Variants in TNS3 observed in about 807,000 individuals in gnomAD.
TNS3 encodes the protein tensin 3.
TNS3 carries 45 observed loss-of-function variants against 140.9 expected under a neutral mutation model. The observed-to-expected ratio is 0.32, with a 90% CI of 0.25 to 0.41. The LOEUF (loss-of-function observed/expected upper bound fraction) is 0.41. TNS3 is among the 10% of genes least tolerant of loss of function. The pLI is 1.00. For synonymous variants in TNS3, 815 were observed against 788.4 expected (o/e 1.03, Z -0.56); for missense variants, 1,716 against 1,906.7 (o/e 0.90, Z 1.86).
chr7:47,382,369 G>C (rs1791818727), intron 16 of TNS3, among the ~76,000 whole-genome samples: 5 of 152,200 alleles, frequency 3.3e-5, no homozygotes. Flanking sequence ...TTCAGATCTT[G>C]TTTACGTAGC....
chr7:47,556,914 A>C (rs1378268282), intron 1 of TNS3: 1 of 419,286 alleles, frequency 2.4e-6, no homozygotes, highest in African/African-American at 2.0e-5. Context: ...TGCTGGGCAG[A>C]AGGGCAGGTT....
chr7:47,366,507 TCA>T (rs1214128637), intron 17 of TNS3, among the ~76,000 whole-genome samples: 1 of 152,154 alleles, frequency 6.6e-6, no homozygotes, highest in African/African-American at 2.4e-5. Context: ...GAAGAGAAAT[TCA>T]CAGAGACGCT....
At chr7:47,344,326 C>A (rs571021362) in intron 20 of TNS3, among the ~76,000 whole-genome samples, 1 of 152,148 alleles carries the variant, frequency 6.6e-6, no homozygotes, top group Non-Finnish European at 1.5e-5. Flanking sequence ...TGATTAGGCA[C>A]CCACTAATAA....
chr7:47,300,681 A>G (rs908356825), intron 23 of TNS3, among the ~76,000 whole-genome samples: 2 of 152,178 alleles, frequency 1.3e-5, no homozygotes, highest in Admixed American at 6.5e-5. Context: ...GCACCAATAG[A>G]GTGGAAGGGT....
intron 6 of TNS3, 79 bp downstream of exon 6, chr7:47,439,408 G>A (rs1795347518): frequency 6.7e-7 from 1 of 1,491,372 alleles, no homozygotes; most frequent in Non-Finnish European, 9.1e-7. Context: ...GTGTAAACCA[G>A]TGTTCTGTGA....
intron 20 of TNS3, among the ~76,000 whole-genome samples, chr7:47,324,866 G>A (rs146544396): frequency 8.7e-4 from 132 of 152,252 alleles, no homozygotes; most frequent in African/African-American, 3.0e-3. Context: ...AATAGTCTGC[G>A]CATAACTGTA....
intron 3 of TNS3, among the ~76,000 whole-genome samples, chr7:47,504,522 G>A (rs1798343110): frequency 6.6e-6 from 1 of 152,230 alleles, no homozygotes; most frequent in East Asian, 1.9e-4. Context: ...TCTTGGGTCT[G>A]ATGCCAGACC....
intron 1 of TNS3, among the ~76,000 whole-genome samples, chr7:47,569,038 G>C (rs569732562): frequency 6.6e-6 from 1 of 152,344 alleles, no homozygotes; most frequent in East Asian, 1.9e-4. Flanking sequence ...GAGAATTGAT[G>C]TGCTTCAGGC....
At chr7:47,447,248 ATGTTTGTTTGTTTGTTTGTT>A (rs3037478) in intron 4 of TNS3, among the ~76,000 whole-genome samples, 6 of 149,074 alleles carry the variant, frequency 4.0e-5, no homozygotes, top group African/African-American at 1.2e-4. Context: ...GGTTCCACAT[ATGTTTGTTTGTTTGTTTGTT>A]TGTTTGTTTG....
At chr7:47,284,886 G>A (rs535919384) in intron 27 of TNS3, among the ~76,000 whole-genome samples, 87 of 152,362 alleles carry the variant, frequency 5.7e-4, no homozygotes, top group African/African-American at 1.9e-3. Context: ...TCCCTCGGCC[G>A]TGTCCTCCTG....
chr7:47,474,587 C>T (rs1310688950), intron 4 of TNS3, among the ~76,000 whole-genome samples: 1 of 149,652 alleles, frequency 6.7e-6, no homozygotes, highest in Non-Finnish European at 1.5e-5. Flanking sequence ...ACAACACACA[C>T]AAGACACACC....
intron 3 of TNS3, among the ~76,000 whole-genome samples, chr7:47,488,852 C>G (rs995655598): frequency 4.6e-5 from 7 of 152,068 alleles, no homozygotes; most frequent in Non-Finnish European, 1.0e-4. Flanking sequence ...TTCAAGGCTG[C>G]TTTTCCAATG....
rs1165062401 is a variant in TNS3 at position 47,493,939 on chromosome 7, T to A, written c.-114-12798A>T. 2.6e-5 allele frequency among the ~76,000 whole-genome samples: 4 copies of A among 152,222 alleles called. No individual in the cohort carries two copies. The East Asian group carries it at 5.8e-4, about 22-fold the overall frequency. ...AGCTGCAAATGGCCAACTGGCCAACTCTAATGTCCACATAAGCATATTTCA... is the reference window on the plus strand; with the variant it reads ...AGCTGCAAATGGCCAACTGGCCAACACTAATGTCCACATAAGCATATTTCA... On this transcript the variant is annotated intron_variant, in intron 3 of 30. Transcript: ENST00000311160.
chr7:47,463,116 G>A (rs1796557050), intron 4 of TNS3, among the ~76,000 whole-genome samples: 1 of 152,116 alleles, frequency 6.6e-6, no homozygotes, highest in South Asian at 2.1e-4. Context: ...AGGGTCCTGC[G>A]AGCTCTAGTC....
intron 1 of TNS3, among the ~76,000 whole-genome samples, chr7:47,537,966 A>ACCCCCCCCCCCCCCCCCCCCCCCCCC (rs113842617): frequency 1.5e-4 from 19 of 126,184 alleles, no homozygotes; most frequent in Admixed American, 2.5e-4. Context: ...CCCTCACCGC[A>ACCCCCCCCCCCCCCCCCCCCCCCCCC]CCCCCCCCAC....
chr7:47,403,192 C>G (rs1019601171), intron 13 of TNS3: 1 of 152,756 alleles, frequency 6.5e-6, no homozygotes, highest in African/African-American at 2.4e-5. Context: ...TCCCCCAGGT[C>G]CCCCCACTGC....
intron 16 of TNS3, among the ~76,000 whole-genome samples, chr7:47,373,571 A>G (rs1191361078): frequency 6.6e-6 from 1 of 152,146 alleles, no homozygotes; most frequent in Non-Finnish European, 1.5e-5. Context: ...CTTTCTCTGC[A>G]TCTCAGCTCC....
chr7:47,543,730 T>C (rs1391252215), intron 1 of TNS3, among the ~76,000 whole-genome samples: 1 of 152,198 alleles, frequency 6.6e-6, no homozygotes, highest in Admixed American at 6.5e-5. Context: ...AGAGTGTATT[T>C]ATTCCACCAG....
chr7:47,560,793 C>T (rs151027823), intron 1 of TNS3, among the ~76,000 whole-genome samples: 366 of 152,334 alleles, frequency 2.4e-3, no homozygotes, highest in African/African-American at 8.6e-3. Flanking sequence ...GTCCTGGAGC[C>T]TGGAGCCTCC....
Sources: gnomAD v4.1 joint callset for allele counts (sites outside exome capture counted in the v4.1 genomes callset) on GRCh38, gnomAD v4.1.1 for gene constraint, MANE v1.5 for transcripts, NCBI Gene and HGNC (gene_info 2026-07-23, HGNC 2026-07-21) for gene names.